Variants in PCDHGB5 observed in about 807,000 individuals in gnomAD.
PCDHGB5 encodes the protein protocadherin gamma-B5.
PCDHGB5 carries 48 observed loss-of-function variants against 62.9 expected under a neutral mutation model. The ratio of observed to expected loss-of-function variants is 0.76; its 90% CI spans 0.61 to 0.97. PCDHGB5 has a LOEUF of 0.97. Ranked by LOEUF, PCDHGB5 falls within the 50% of genes least tolerant of loss-of-function variation. The probability of loss-of-function intolerance (pLI) is 0.00; values close to 1 mark genes in which losing one functional copy is unlikely to be tolerated. For missense variants in PCDHGB5, 1,118 were observed against 1,198.6 expected, an observed-to-expected ratio of 0.93 and a Z score of 0.99; for synonymous variants, 474 against 511.2, an observed-to-expected ratio of 0.93 and a Z score of 0.98.
chr5:141,468,049 G>C (rs2099156671), intron 1 of PCDHGB5, among the ~76,000 whole-genome samples: 1 of 152,068 alleles, frequency 6.6e-6, no homozygotes, highest in African/African-American at 2.4e-5. Context: ...ACTAAGCCGG[G>C]CACAGTGGCT....
At chr5:141,497,479 G>A (rs1028715475) in intron 2 of PCDHGB5, among the ~76,000 whole-genome samples, 5 of 151,886 alleles carry the variant, frequency 3.3e-5, no homozygotes, top group Non-Finnish European at 7.4e-5. Flanking sequence ...GAGAAGGTGC[G>A]GAACCTCTCT....
intron 1 of PCDHGB5, chr5:141,403,034 G>T (rs1589474195): frequency 1.9e-6 from 3 of 1,614,096 alleles, no homozygotes; most frequent in East Asian, 2.2e-5. Flanking sequence ...GGAGGCCAGG[G>T]CCAGTCAGAT....
At chr5:141,444,626 A>G (rs542390437) in intron 1 of PCDHGB5, among the ~76,000 whole-genome samples, 74 of 152,288 alleles carry the variant, frequency 4.9e-4, no homozygotes, top group African/African-American at 1.7e-3. Flanking sequence ...GGCATGATGC[A>G]CCAGTTCATT....
rs376067853 is a variant in PCDHGB5, at chr5:141,408,397, G to C, written c.2397+7873G>C. 261 of 1,614,068 alleles carry C rather than the reference G, an allele frequency of 1.6e-4. 1 individual carries two copies. In the East Asian group the frequency reaches 5.2e-3, roughly 32 times the overall value. On this transcript the variant is annotated intron_variant, in intron 1 of 3. Coordinates refer to ENST00000617380, the MANE Select transcript of PCDHGB5 (RefSeq NM_018925.3). The stretch of plus-strand genomic sequence containing the variant: ...GTGTCCTGGATGTGTCGGCTCGCAA[G>C]CTGCGAGTGAGCGCGGAGAAGCTGC...
At position 141,487,886 on chromosome 5, in the gene PCDHGB5, G is replaced by A. The variant is rs1208779156; in HGVS notation, c.2398-6921G>A. On this transcript the variant is annotated intron_variant, in intron 1 of 3. Transcript: ENST00000617380. This position sits in a 1 kb window ranked among gnomAD's most constrained non-coding sequence, Gnocchi z 5.0. ...GATCAAGAGCCAGGCTGTTGTGGAA[G>A]CATGATGATGGAATGTGGGAGCACA... is the stretch of plus-strand genomic sequence containing the variant. 1.3e-6 allele frequency: 1 copy of A among 751,316 alleles called. No individual in the cohort carries two copies. The highest frequency in any genetic ancestry group is 2.1e-6 in the Non-Finnish European group (1 of 467,526). The allele number at this position is 751,316 out of a possible 1,614,324, so 46.5% of individuals were successfully genotyped here.
At chr5:141,439,506 C>G (rs2098117403) in intron 1 of PCDHGB5, among the ~76,000 whole-genome samples, 1 of 152,234 alleles carries the variant, frequency 6.6e-6, no homozygotes, top group Non-Finnish European at 1.5e-5. Flanking sequence ...GTCTTTCTCT[C>G]TGCTCTCAAC....
chr5:141,422,577 T>G, intron 1 of PCDHGB5: 1 of 1,613,848 alleles, frequency 6.2e-7, no homozygotes, highest in Non-Finnish European at 8.5e-7. Context: ...ACGATAACCC[T>G]CCCGTTTTTC....
intron 1 of PCDHGB5, chr5:141,409,541 G>T: frequency 6.2e-7 from 1 of 1,613,970 alleles, no homozygotes; most frequent in Non-Finnish European, 8.5e-7. Context: ...TGACATCAAC[G>T]ACAACGCCCC....
rs116716465 is a variant in PCDHGB5, at chr5:141,484,286, C to T, written c.2398-10521C>T. ...GATTCTTTACTGTTTTGAAACATCTCCCTCTCCTGGCTTCCTCCACCCCGC... is the reference window on the plus strand; with the variant it reads ...GATTCTTTACTGTTTTGAAACATCTTCCTCTCCTGGCTTCCTCCACCCCGC... On this transcript the variant is annotated intron_variant, in intron 1 of 3. Coordinates refer to ENST00000617380, the MANE Select transcript of PCDHGB5 (RefSeq NM_018925.3). 8.3e-3 allele frequency among the ~76,000 whole-genome samples: 1,266 copies of T among 152,294 alleles called. 10 individuals carry two copies. The highest frequency in any genetic ancestry group is 0.014 in the Non-Finnish European group (936 of 68,022).
chr5:141,403,964 G>T (rs1279237991), intron 1 of PCDHGB5: 1 of 1,613,704 alleles, frequency 6.2e-7, no homozygotes, highest in Non-Finnish European at 8.5e-7. Context: ...CATTTCGGTG[G>T]AAGATGTAAA....
At chr5:141,421,934 T>C (rs1478005202) in intron 1 of PCDHGB5, 1 of 1,613,548 alleles carries the variant, frequency 6.2e-7, no homozygotes, top group Admixed American at 1.7e-5. Context: ...GTCCTCGATG[T>C]AAATGATCAC....
At position 141,490,753 on chromosome 5, in the gene PCDHGB5, T is replaced by C; in HGVS notation, c.2398-4054T>C. ...TCAGGTTCAGGGAGCCCCAGCCTCC[T>C]CCTTTGTGTATGTCAACCCAGAGGA... On this transcript the variant is annotated intron_variant, in intron 1 of 3. Transcript: ENST00000617380. This position sits in a 1 kb window ranked among gnomAD's most constrained non-coding sequence, Gnocchi z 5.4. 1 of 1,614,184 alleles carries C rather than the reference T, an allele frequency of 6.2e-7. No individual in the cohort carries two copies. The highest frequency in any genetic ancestry group is 8.5e-7 in the Non-Finnish European group (1 of 1,180,024).
intron 1 of PCDHGB5, among the ~76,000 whole-genome samples, chr5:141,471,992 C>T (rs2099268578): frequency 6.6e-6 from 1 of 152,070 alleles, no homozygotes; most frequent in Non-Finnish European, 1.5e-5. Flanking sequence ...TATTAAAAAT[C>T]CCTGCATCGT....
At chr5:141,502,488 T>A (rs1273845698) in intron 2 of PCDHGB5, among the ~76,000 whole-genome samples, 1 of 152,236 alleles carries the variant, frequency 6.6e-6, no homozygotes, top group Non-Finnish European at 1.5e-5. Context: ...ACACTGGGAC[T>A]CATCTAACGT....
intron 1 of PCDHGB5, chr5:141,478,289 G>A (rs1210628852): frequency 1.2e-6 from 2 of 1,614,146 alleles, no homozygotes; most frequent in African/African-American, 2.7e-5. Context: ...GCAGTCTAGA[G>A]ACCTATACCG....
At position 141,409,389 on chromosome 5, in the gene PCDHGB5, C is replaced by G; in HGVS notation, c.2397+8865C>G. On this transcript the variant is annotated intron_variant, in intron 1 of 3. Transcript: ENST00000617380. ...ACAGACATTCCATTCAAGATTTATT[C>G]TTCTTCCAATAACTACTACAAACTG... 6.2e-7 allele frequency: 1 copy of G among 1,614,006 alleles called. No homozygotes were observed. Among genetic ancestry groups the G allele is most frequent in the Admixed American group, 1.7e-5 (1 of 60,020 alleles).
At position 141,486,061 on chromosome 5, in the gene PCDHGB5, C is replaced by T. The variant is rs1280895997; in HGVS notation, c.2398-8746C>T. 2 of 1,614,166 alleles carry T rather than the reference C, an allele frequency of 1.2e-6. No individual in the cohort carries two copies. Among genetic ancestry groups the T allele is most frequent in the South Asian group, 1.1e-5 (1 of 91,078 alleles). On this transcript the variant is annotated intron_variant, in intron 1 of 3. Coordinates refer to ENST00000617380, the MANE Select transcript of PCDHGB5 (RefSeq NM_018925.3). The surrounding 1 kb of genome is among the most constrained non-coding windows in gnomAD (Gnocchi z 5.0). ...GTGTAAGAAACCTCTTTAGCCTGCA[C>T]CCCACTACTGGAAAGCTTACTCTTT...
chr5:141,425,483 C>A (rs1172308088), intron 1 of PCDHGB5, among the ~76,000 whole-genome samples: 2 of 152,304 alleles, frequency 1.3e-5, no homozygotes, highest in Non-Finnish European at 2.9e-5. Flanking sequence ...CTATGGCAAC[C>A]TACTAGGCTA....
At chr5:141,454,870 C>T (rs2098805291) in intron 1 of PCDHGB5, among the ~76,000 whole-genome samples, 1 of 131,902 alleles carries the variant, frequency 7.6e-6, no homozygotes, top group Non-Finnish European at 1.5e-5. Context: ...TGCAGTGGCA[C>T]GATCTTGGCT....
Sources: gnomAD v4.1 joint callset for allele counts (sites outside exome capture counted in the v4.1 genomes callset) on GRCh38, gnomAD v4.1.1 for gene constraint, Gnocchi (gnomAD v3.1) non-coding constraint, MANE v1.5 for transcripts, NCBI Gene and HGNC (gene_info 2026-07-23, HGNC 2026-07-21) for gene names.